ZNF407: variants seen among roughly 807,000 people sequenced by gnomAD.
The protein encoded by ZNF407 is zinc finger protein 407.
A neutral mutation model predicts 131.2 loss-of-function variants in ZNF407; 17 were observed. The ratio of observed to expected loss-of-function variants is 0.13; its 90% CI spans 0.09 to 0.19. The LOEUF (loss-of-function observed/expected upper bound fraction) is 0.19. Among genes scored for constraint, ZNF407 ranks in the 10% least tolerant of loss-of-function variants. ZNF407 has a pLI of 1.00. For missense variants in ZNF407, 2,681 were observed against 2,830.6 expected (o/e 0.95, Z 1.20); for synonymous variants, 1,156 against 1,062.0 (o/e 1.09, Z -1.72).
At chr18:74,617,413 A>G (rs992882693) in intron 1 of ZNF407, among the ~76,000 whole-genome samples, 38 of 152,360 alleles carry the variant, frequency 2.5e-4, no homozygotes, top group African/African-American at 9.1e-4. Flanking sequence ...CAGTCTGAGA[A>G]CAGGCACTGC....
In ZNF407 at chr18:74,634,420, C is replaced by A; in HGVS notation, c.3401C>A (p.Thr1134Asn). Residue 1134 changes from threonine (T) to asparagine (N), a missense_variant, in exon 2 of 9, where the codon ACT (threonine) becomes AAT (asparagine). Physicochemically the swap from Thr to Asn is moderately conservative, Grantham distance 65. This residue lies in a region of ZNF407 where 1,789 missense variants were observed against 1,748.7 expected (regional missense o/e 1.02). Transcript: ENST00000299687. ...AADCSILNEN[T>N]NLDMSKVLCA... is the part of the protein sequence containing the mutation. ...GATTGCTCTATTTTAAATGAGAATA[C>A]TAATTTAGATATGTCTAAAGTGCTC... is the stretch of plus-strand genomic sequence containing the variant. 6.2e-7 allele frequency: 1 copy of A among 1,613,518 alleles called. No individual in the cohort carries two copies. The highest frequency in any genetic ancestry group is 8.5e-7 in the Non-Finnish European group (1 of 1,179,822).
At chr18:74,870,578 C>CT (rs1232319709) in intron 4 of ZNF407, among the ~76,000 whole-genome samples, 1 of 152,160 alleles carries the variant, frequency 6.6e-6, no homozygotes, top group Non-Finnish European at 1.5e-5. Flanking sequence ...AAAGTCTAGT[C>CT]TAACTTAAAT....
intron 4 of ZNF407, among the ~76,000 whole-genome samples, chr18:74,805,651 A>T (rs1297991753): frequency 6.6e-6 from 1 of 152,220 alleles, no homozygotes; most frequent in African/African-American, 2.4e-5. Context: ...CTTCTGTTAA[A>T]CTGAACCAAA....
chr18:74,763,867 G>A (rs1308694595), intron 3 of ZNF407, among the ~76,000 whole-genome samples: 1 of 150,750 alleles, frequency 6.6e-6, no homozygotes, highest in Non-Finnish European at 1.5e-5. Context: ...CCGCTACCAC[G>A]CCCGGCTAAT....
chr18:74,830,093 C>T (rs2145116192), intron 4 of ZNF407, among the ~76,000 whole-genome samples: 1 of 152,186 alleles, frequency 6.6e-6, no homozygotes, highest in South Asian at 2.1e-4. Flanking sequence ...GAGAATGTGA[C>T]CATCCTCAAC....
Position 75,032,845 on chromosome 18 carries a change from T to A in ZNF407, c.5429-30305T>A, listed in dbSNP as rs530659461. Among the ~76,000 whole-genome samples the A allele has an allele frequency of 4.4e-5, 5 of 112,972 alleles. No individual in the cohort carries two copies. The South Asian group carries it at 1.4e-3, about 33-fold the overall frequency. The allele number at this position is 112,972 out of a possible 152,430, so 74.1% of individuals were successfully genotyped here. A position where few individuals can be genotyped will look rare whatever the true frequency, so the allele number is the denominator to read the frequency against. On this transcript the variant is annotated intron_variant, in intron 8 of 8. Transcript: ENST00000299687. ...GACAGTATTAGATAACTAAGAGTGC[T>A]CGGAATGGGGGGAAGATAGTATTAG...
chr18:74,908,135 G>A (rs1233192895), intron 7 of ZNF407, among the ~76,000 whole-genome samples: 5 of 152,082 alleles, frequency 3.3e-5, no homozygotes, highest in Admixed American at 1.3e-4. Context: ...ATGTTGCATA[G>A]TTTTACTCCT....
At chr18:74,813,226 G>A (rs376221359) in intron 4 of ZNF407, among the ~76,000 whole-genome samples, 3 of 152,064 alleles carry the variant, frequency 2.0e-5, no homozygotes, top group Admixed American at 6.5e-5. Flanking sequence ...TTGTCCCTGT[G>A]GACATCCTGT....
intron 7 of ZNF407, among the ~76,000 whole-genome samples, chr18:74,917,703 A>G (rs755027699): frequency 6.6e-6 from 1 of 152,202 alleles, no homozygotes; most frequent in African/African-American, 2.4e-5. Context: ...CCTTCCCTGA[A>G]TGTTAGGATT....
At chr18:74,639,267 G>A (rs1203027363) in intron 2 of ZNF407, among the ~76,000 whole-genome samples, 1 of 152,182 alleles carries the variant, frequency 6.6e-6, no homozygotes, top group East Asian at 1.9e-4. Context: ...TCAAACCCAT[G>A]AGACCTTTTA....
intron 7 of ZNF407, among the ~76,000 whole-genome samples, chr18:74,892,899 G>T (rs1013213182): frequency 1.1e-4 from 17 of 152,064 alleles, no homozygotes; most frequent in Admixed American, 1.3e-4. Flanking sequence ...TTTTAAAATG[G>T]CATTTCTAGA....
intron 3 of ZNF407, among the ~76,000 whole-genome samples, chr18:74,649,446 T>G (rs2144705889): frequency 6.6e-6 from 1 of 152,344 alleles, no homozygotes; most frequent in South Asian, 2.1e-4. Context: ...TAAGTATGAT[T>G]TTTTACATTG....
At chr18:74,954,698 TTA>T (rs1409185864) in intron 8 of ZNF407, among the ~76,000 whole-genome samples, 2 of 152,208 alleles carry the variant, frequency 1.3e-5, no homozygotes, top group Non-Finnish European at 2.9e-5. Flanking sequence ...ACATTTTAGA[TTA>T]TGAGTGTATG....
intron 8 of ZNF407, among the ~76,000 whole-genome samples, chr18:75,013,717 G>A (rs758553397): frequency 6.6e-6 from 1 of 152,000 alleles, no homozygotes; most frequent in Non-Finnish European, 1.5e-5. Flanking sequence ...TGTTCTCTGC[G>A]GGACCACCAT....
In ZNF407 at chr18:74,732,700, T is replaced by C. The variant is rs371436619; in HGVS notation, c.4803-48728T>C. ...ATTGATACCTAACATTTTGACTTTG[T>C]TTAAAATGTACTTGTGAATAATAAC... On this transcript the variant is annotated intron_variant, in intron 3 of 8. Coordinates refer to ENST00000299687, the MANE Select transcript of ZNF407 (RefSeq NM_017757.3). 3.1e-4 allele frequency among the ~76,000 whole-genome samples: 47 copies of C among 152,354 alleles called. 1 individual carries two copies. The highest frequency in any genetic ancestry group is 1.1e-3 in the African/African-American group (47 of 41,586).
chr18:74,878,513 A>G (rs1324749193), intron 5 of ZNF407, among the ~76,000 whole-genome samples: 4 of 152,138 alleles, frequency 2.6e-5, no homozygotes, highest in African/African-American at 7.2e-5. Flanking sequence ...GTGCAGATGT[A>G]ATTTATCGTC....
At chr18:74,615,260 A>G (rs1983235777) in intron 1 of ZNF407, among the ~76,000 whole-genome samples, 1 of 152,208 alleles carries the variant, frequency 6.6e-6, no homozygotes, top group Admixed American at 6.5e-5. Flanking sequence ...TAATCCCAGC[A>G]CTTTGGGAGG....
chr18:74,736,476 G>C (rs1051369611), intron 3 of ZNF407, among the ~76,000 whole-genome samples: 3 of 152,146 alleles, frequency 2.0e-5, no homozygotes, highest in South Asian at 2.1e-4. Context: ...TTATTACCTA[G>C]TGGGCTTCAT....
rs143527870 is a variant in ZNF407, at chr18:74,855,926, C to A, written c.4878-21271C>A. 4.2e-3 allele frequency among the ~76,000 whole-genome samples: 641 copies of A among 152,274 alleles called. 2 individuals carry two copies. Among genetic ancestry groups the A allele is most frequent in the Non-Finnish European group, 7.6e-3 (519 of 68,014 alleles). ...TTGATACACACCTCACACTGAAAGG[C>A]GTGTAGAGAGCTGCCGTATTATCAC... is the stretch of plus-strand genomic sequence containing the variant. On this transcript the variant is annotated intron_variant, in intron 4 of 8. Transcript: ENST00000299687.
Sources: allele counts gnomAD v4.1 joint callset (sites outside exome capture counted in the v4.1 genomes callset), GRCh38; gene constraint gnomAD v4.1.1; regional missense constraint gnomAD v4.1.1; transcripts MANE v1.5; gene names NCBI Gene and HGNC (gene_info 2026-07-23, HGNC 2026-07-21).